SERINC4: variants seen among roughly 807,000 people sequenced by gnomAD.
SERINC4 encodes serine incorporator 4.
Under a neutral mutation model 52.0 loss-of-function variants are expected in SERINC4, and 52 were observed. The observed-to-expected ratio is 1.00, with a 90% CI of 0.80 to 1.26. The LOEUF is 1.26. SERINC4 is among the 50% of genes most tolerant of loss of function. The pLI is 0.00. For synonymous variants in SERINC4, 264 were observed against 247.7 expected, an observed-to-expected ratio of 1.07 and a Z score of -0.62; for missense variants, 723 against 632.8, an observed-to-expected ratio of 1.14 and a Z score of -1.53.
intron 6 of SERINC4, 101 bp downstream of exon 6, chr15:43,797,044 G>C (rs2087230815): frequency 6.2e-6 from 9 of 1,449,324 alleles, no homozygotes; most frequent in Non-Finnish European, 8.7e-6. Context: ...GGATAGGGAA[G>C]CAGAGATTCT....
chr15:43,796,969 T>C, intron 6 of SERINC4, 29 bp from the exon 7 acceptor site: 2 of 1,582,454 alleles, frequency 1.3e-6, no homozygotes, highest in Non-Finnish European at 1.7e-6. Context: ...TGCTTTAGTC[T>C]ACAGGCTGGT....
At chr15:43,795,360 A>G in intron 11 of SERINC4, 28 bp downstream of exon 11, 2 of 1,613,214 alleles carry the variant, frequency 1.2e-6, no homozygotes, top group Non-Finnish European at 1.7e-6. Context: ...GCTCTTCAGG[A>G]GAGTATCTAA....
chr15:43,794,590 C>T lies in SERINC4; in HGVS notation c.*410G>A, dbSNP rs1167175339. On this transcript the variant is annotated 3_prime_UTR_variant, in exon 12 of 12. Transcript: ENST00000319327. ...CCCTGGTTTGTTCTGTGGTTCTGGG[C>T]TTCTTATATCCGTGTGCCCAGGGCT... The T allele has an allele frequency of 1.2e-5, 2 of 172,738 alleles. No individual in the cohort carries two copies. Among genetic ancestry groups the T allele is most frequent in the East Asian group, 3.2e-4 (2 of 6,336 alleles). The allele number at this position is 172,738 out of a possible 1,614,324, so 10.7% of individuals were successfully genotyped here. A position where few individuals can be genotyped will look rare whatever the true frequency, so the allele number is the denominator to read the frequency against.
In SERINC4 at chr15:43,799,297, C is replaced by G. The variant is rs748710725; in HGVS notation, c.279+13G>C. 4 of 1,548,810 alleles carry G rather than the reference C, an allele frequency of 2.6e-6. No homozygotes were observed. The highest frequency in any genetic ancestry group is 1.7e-4 in the Middle Eastern group (1 of 5,882). On this transcript the variant is annotated intron_variant, in intron 2 of 11. Coordinates refer to ENST00000319327, the MANE Select transcript of SERINC4 (RefSeq NM_001258031.2). ...TCTCTTCCCACCTGACAACCCGACC[C>G]CCTCTCACTTACCCTGTGTGTCTTG...
intron 9 of SERINC4, 45 bp from the exon 10 acceptor site, chr15:43,795,781 A>T: frequency 6.3e-7 from 1 of 1,594,100 alleles, no homozygotes; most frequent in Non-Finnish European, 8.6e-7. Context: ...AAAAGATGTG[A>T]GGGTGTTAAT....
At chr15:43,798,629 GAGGAACC>G in intron 3 of SERINC4, 125 bp from the exon 4 acceptor site, 1 of 730,754 alleles carries the variant, frequency 1.4e-6, no homozygotes, top group South Asian at 1.7e-5. Flanking sequence ...GACAACTAAG[GAGGAACC>G]AATCCCAAAT....
At position 43,794,182 on chromosome 15, in the gene SERINC4, A is replaced by C. The variant is rs190348367; in HGVS notation, c.*818T>G. 1.8e-4 allele frequency: 97 copies of C among 545,370 alleles called. No homozygotes were observed. The highest frequency in any genetic ancestry group is 1.3e-3 in the African/African-American group (71 of 52,914). 33.8% of individuals were successfully genotyped at this position (545,370 alleles called of 1,614,324 possible). ...CTTAATAAGTGAAACATCACAGAAG[A>C]AGCCTTTATTATACAATGACAACCA... On this transcript the variant is annotated 3_prime_UTR_variant, in exon 12 of 12. Coordinates refer to ENST00000319327, the MANE Select transcript of SERINC4 (RefSeq NM_001258031.2).
Position 43,799,046 on chromosome 15 carries a change from G to A in SERINC4, c.371C>T (p.Ala124Val). 2 of 1,550,512 alleles carry A rather than the reference G, an allele frequency of 1.3e-6. No individual in the cohort carries two copies. The highest frequency in any genetic ancestry group is 2.0e-5 in the Admixed American group (1 of 50,994). The change falls in exon 3 of 12, where the codon GCA becomes GTA. Residue 124 changes from alanine to valine, a missense_variant. Physicochemically the swap from Ala to Val is moderately conservative, Grantham distance 64. Coordinates refer to ENST00000319327, the MANE Select transcript of SERINC4 (RefSeq NM_001258031.2). ...SGSGAVYRVC[A>V]GTATFHLLQA... is the part of the protein sequence containing the mutation. ...CAGCAGGTGGAAGGTGGCGGTTCCT[G>A]CACATACTCGGTACACAGCCCCAGA...
chr15:43,799,503 T>G lies in SERINC4; in HGVS notation c.103-17A>C. 4 of 1,550,880 alleles carry G rather than the reference T, an allele frequency of 2.6e-6. No individual in the cohort carries two copies. Among genetic ancestry groups the G allele is most frequent in the Non-Finnish European group, 3.5e-6 (4 of 1,147,048 alleles). On this transcript the variant is annotated splice_polypyrimidine_tract_variant and intron_variant, in intron 1 of 11. Transcript: ENST00000319327. ...GCAGCACACCTGGGAGTAGAGCAGA[T>G]GCAAGGCAGCGAGGTGGAGACTTGC...
intron 5 of SERINC4, 78 bp downstream of exon 5, chr15:43,797,842 G>T: frequency 1.0e-6 from 1 of 974,850 alleles, no homozygotes; most frequent in Non-Finnish European, 1.6e-6. Flanking sequence ...GCTCTGCCGT[G>T]CCTTTTGCCC....
chr15:43,797,873 A>C, intron 5 of SERINC4, 47 bp downstream of exon 5: 1 of 1,387,298 alleles, frequency 7.2e-7, no homozygotes, highest in Non-Finnish European at 1.0e-6. Flanking sequence ...ATGTAGTAAT[A>C]CTAGAAACCT....
intron 5 of SERINC4, chr15:43,797,649 C>T (rs1418289771): frequency 3.9e-6 from 2 of 516,842 alleles, no homozygotes; most frequent in East Asian, 7.0e-5. Flanking sequence ...CCTCGGCCTC[C>T]CAAAGTGCTG....
chr15:43,799,376 G>A lies in SERINC4; in HGVS notation c.213C>T (p.Ala71=). 1 of 1,551,102 alleles carries A rather than the reference G, an allele frequency of 6.4e-7. No individual in the cohort carries two copies. The part of the protein sequence containing the change: ...RLFYILLHVG[A]SAICCLLLSR... ...ACAGCAGGAGGCAGCAGATTGCTGA[G>A]GCCCCCACATGGAGGAGGATGTAGA... The change falls in exon 2 of 12, where the codon GCC becomes GCT. Residue 71 remains alanine (A), a synonymous_variant. Transcript: ENST00000319327.
rs1420694368 is a variant in SERINC4, at chr15:43,795,966, T to G, written c.1140+189A>C. Reference sequence around the variant, plus strand: ...GGAGCAAATACCTACCTCACAGGGTTGTTGTGAGGGTTAAATTAAATGAGA... The same window carrying G: ...GGAGCAAATACCTACCTCACAGGGTGGTTGTGAGGGTTAAATTAAATGAGA... On this transcript the variant is annotated intron_variant, in intron 9 of 11. Coordinates refer to ENST00000319327, the MANE Select transcript of SERINC4 (RefSeq NM_001258031.2). 2.8e-5 allele frequency: 18 copies of G among 641,966 alleles called. No homozygotes were observed. The East Asian group carries it at 4.3e-4, about 15-fold the overall frequency. 39.8% of individuals were successfully genotyped at this position (641,966 alleles called of 1,614,324 possible). A position where few individuals can be genotyped will look rare whatever the true frequency, so the allele number is the denominator to read the frequency against.
At chr15:43,796,425 C>T (rs1456649868) in intron 8 of SERINC4, 191 bp downstream of exon 8, 11 of 724,922 alleles carry the variant, frequency 1.5e-5, no homozygotes, top group Non-Finnish European at 2.5e-5. Flanking sequence ...AGTCATTCCC[C>T]CCACCCCCTT....
intron 9 of SERINC4, 189 bp downstream of exon 9, chr15:43,795,963 GGTT>G (rs1224921934): frequency 6.2e-6 from 4 of 642,438 alleles, no homozygotes; most frequent in Non-Finnish European, 1.1e-5. Context: ...TACCTCACAG[GGTT>G]GTTGTGAGGG....
Position 43,796,669 on chromosome 15 carries a change from GAT to G in SERINC4, c.1012_1013del (p.Ile338LeufsTer8), listed in dbSNP as rs762649457. 2.5e-6 allele frequency: 4 copies of G among 1,614,048 alleles called. No homozygotes were observed. Reference protein sequence around the residue: ...LSKMEPQTPDISLAMLSASIM... With the variant: ...LSKMEPQTPDXSLAMLSASIM... Reference sequence around the variant, plus strand: ...TGCTAGCACTCAGCATTGCTAGAGAGATATCTGGTGTTTGGGGTTCCATTTTA... The same window carrying G: ...TGCTAGCACTCAGCATTGCTAGAGAGATCTGGTGTTTGGGGTTCCATTTTA... On this transcript the variant is annotated frameshift_variant, in exon 8 of 12. Transcript: ENST00000319327. LOFTEE classifies it high-confidence loss of function.
In SERINC4 at chr15:43,799,301, C is replaced by G. The variant is rs779232336; in HGVS notation, c.279+9G>C. On this transcript the variant is annotated intron_variant, in intron 2 of 11. Coordinates refer to ENST00000319327, the MANE Select transcript of SERINC4 (RefSeq NM_001258031.2). The stretch of plus-strand genomic sequence containing the variant: ...TTCCCACCTGACAACCCGACCCCCT[C>G]TCACTTACCCTGTGTGTCTTGCCCC... The G allele has an allele frequency of 6.5e-7, 1 of 1,550,132 alleles. No homozygotes were observed. The highest frequency in any genetic ancestry group is 2.0e-5 in the Admixed American group (1 of 51,000).
intron 5 of SERINC4, 97 bp from the exon 6 acceptor site, chr15:43,797,453 T>C (rs2087238443): frequency 1.1e-6 from 1 of 909,798 alleles, no homozygotes; most frequent in Admixed American, 2.3e-5. Context: ...AGTGCAATGG[T>C]GTGGTCTCAG....
Sources: allele counts gnomAD v4.1 joint callset, GRCh38; gene constraint gnomAD v4.1.1; transcripts MANE v1.5; gene names NCBI Gene and HGNC (gene_info 2026-07-23, HGNC 2026-07-21).